The following TSNARE1 variants were observed in gnomAD, a reference collection of about 807,000 sequenced individuals.
The protein encoded by TSNARE1 is t-SNARE domain-containing protein 1.
TSNARE1 carries 49 observed loss-of-function variants against 62.0 expected under a neutral mutation model. The observed-to-expected ratio is 0.79, with a 90% CI of 0.63 to 1.00. The LOEUF is 1.00. Among genes scored for constraint, TSNARE1 ranks in the 50% least tolerant of loss-of-function variants. The probability of loss-of-function intolerance (pLI) is 0.00; values close to 1 mark genes in which losing one functional copy is unlikely to be tolerated. For synonymous variants in TSNARE1, 328 were observed against 294.4 expected, an observed-to-expected ratio of 1.11 and a Z score of -1.17; for missense variants, 755 against 700.1, an observed-to-expected ratio of 1.08 and a Z score of -0.88.
chr8:142,383,868 T>C (rs983750997), intron 1 of TSNARE1, among the ~76,000 whole-genome samples: 2 of 151,948 alleles, frequency 1.3e-5, no homozygotes, highest in Non-Finnish European at 2.9e-5. Flanking sequence ...AGTTTGAAAA[T>C]CCAAGCTTCA....
At chr8:142,229,023 A>T (rs1816964815) in intron 13 of TSNARE1, among the ~76,000 whole-genome samples, 2 of 150,864 alleles carry the variant, frequency 1.3e-5, no homozygotes, top group African/African-American at 4.9e-5. Flanking sequence ...GAGTTGATGG[A>T]TGGATGGATG....
At position 142,222,292 on chromosome 8, in the gene TSNARE1, T is replaced by C. The variant is rs1280787902; in HGVS notation, c.*11+7181A>G. On this transcript the variant is annotated intron_variant, in intron 13 of 13. Transcript: ENST00000524325. Reference sequence around the variant, plus strand: ...CACTCACTCATCCACTCATTCACTCTCACTCATTCACTCACTCACTCATCC... The same window carrying C: ...CACTCACTCATCCACTCATTCACTCCCACTCATTCACTCACTCACTCATCC... Among the ~76,000 whole-genome samples, 5 of 22,774 alleles carry C rather than the reference T, an allele frequency of 2.2e-4. 2 individuals carry two copies. In the South Asian group the frequency reaches 5.0e-3, roughly 23 times the overall value. The allele number at this position is 22,774 out of a possible 152,430, so 14.9% of individuals were successfully genotyped here.
At chr8:142,282,120 C>T (rs1821589455) in intron 11 of TSNARE1, among the ~76,000 whole-genome samples, 1 of 152,246 alleles carries the variant, frequency 6.6e-6, no homozygotes, top group Non-Finnish European at 1.5e-5. Context: ...GGGAGGTGCC[C>T]TGGCTTGCGG....
intron 10 of TSNARE1, among the ~76,000 whole-genome samples, chr8:142,289,196 C>T (rs1193090471): frequency 2.0e-5 from 3 of 152,200 alleles, no homozygotes; most frequent in Non-Finnish European, 2.9e-5. Flanking sequence ...TCAAACAAAG[C>T]GGGAGGCAAA....
rs538675999 is a variant in TSNARE1, at chr8:142,353,378, G to A, written c.88+1259C>T. 8.7e-4 allele frequency among the ~76,000 whole-genome samples: 133 copies of A among 152,340 alleles called. 1 individual carries two copies. Among genetic ancestry groups the A allele is most frequent in the Middle Eastern group, 6.8e-3 (2 of 294 alleles). On this transcript the variant is annotated intron_variant, in intron 2 of 13. Coordinates refer to ENST00000524325, the MANE Select transcript of TSNARE1 (RefSeq NM_145003.5). ...TATCAATGGTCTCGGCGGGAAGGAGGAAAGGGAGGCAGAAGTGGGAGGAGA... is the reference window on the plus strand; with the variant it reads ...TATCAATGGTCTCGGCGGGAAGGAGAAAAGGGAGGCAGAAGTGGGAGGAGA...
chr8:142,239,203 C>T (rs973549439), intron 12 of TSNARE1, among the ~76,000 whole-genome samples: 8 of 152,198 alleles, frequency 5.3e-5, no homozygotes, highest in Non-Finnish European at 1.2e-4. Context: ...CCCACTGAGC[C>T]TCCGCTGCCA....
At chr8:142,331,660 G>C (rs924354735) in intron 5 of TSNARE1, 94 bp downstream of exon 5, 11 of 1,242,012 alleles carry the variant, frequency 8.9e-6, no homozygotes, top group South Asian at 1.3e-5. Flanking sequence ...ATGGCCTGAG[G>C]GGGGAAGCCA....
chr8:142,332,005 C>T (rs1263349617), intron 4 of TSNARE1, among the ~76,000 whole-genome samples, 174 bp from the exon 5 acceptor site: 2 of 152,202 alleles, frequency 1.3e-5, no homozygotes, highest in Admixed American at 6.5e-5. Flanking sequence ...GTGCTGGACA[C>T]CCGCACCTGC....
Position 142,354,754 on chromosome 8 carries a change from C to CA in TSNARE1, c.-31_-30insT. On this transcript the variant is annotated 5_prime_UTR_variant, in exon 2 of 14. Transcript: ENST00000524325. ...TTACAGATGGCAGGGCCAGCAGCCT[C>CA]CACACTGAGCTGGAGGAAACACGAA... 6.4e-7 allele frequency: 1 copy of CA among 1,563,392 alleles called. No homozygotes were observed. Among genetic ancestry groups the CA allele is most frequent in the Non-Finnish European group, 8.8e-7 (1 of 1,134,760 alleles).
chr8:142,307,739 T>C (rs766168129), intron 9 of TSNARE1, among the ~76,000 whole-genome samples: 2 of 152,200 alleles, frequency 1.3e-5, no homozygotes, highest in Non-Finnish European at 2.9e-5. Context: ...AATATGCATG[T>C]CTGTTGGGCA....
At chr8:142,287,448 C>T (rs1306413018) in intron 10 of TSNARE1, among the ~76,000 whole-genome samples, 4 of 80,054 alleles carry the variant, frequency 5.0e-5, no homozygotes, top group Admixed American at 1.3e-4. Context: ...CCCTCCAGGT[C>T]GTGGAACCCA....
At chr8:142,300,405 C>G in intron 10 of TSNARE1, 81 bp downstream of exon 10, 1 of 1,480,444 alleles carries the variant, frequency 6.8e-7, no homozygotes, top group South Asian at 1.3e-5. Flanking sequence ...AATGGTGCAG[C>G]AGGCTGGCAC....
chr8:142,399,841 T>G (rs1039795595), intron 1 of TSNARE1, among the ~76,000 whole-genome samples: 3 of 152,158 alleles, frequency 2.0e-5, no homozygotes, highest in Non-Finnish European at 4.4e-5. Flanking sequence ...AGTCTACTTG[T>G]AGCAAGTAAC....
chr8:142,349,780 A>C (rs1833852109), intron 2 of TSNARE1, among the ~76,000 whole-genome samples: 1 of 152,216 alleles, frequency 6.6e-6, no homozygotes, highest in South Asian at 2.1e-4. Flanking sequence ...CATGACCACC[A>C]GGCCGGAGGT....
At chr8:142,235,781 A>G (rs1331565685) in intron 12 of TSNARE1, among the ~76,000 whole-genome samples, 1 of 152,158 alleles carries the variant, frequency 6.6e-6, no homozygotes, top group Non-Finnish European at 1.5e-5. Context: ...CGTTGGGTCC[A>G]CTGTCCTGAA....
At chr8:142,245,773 G>A (rs1434147771) in intron 12 of TSNARE1, among the ~76,000 whole-genome samples, 5 of 152,116 alleles carry the variant, frequency 3.3e-5, no homozygotes, top group Admixed American at 2.6e-4. Context: ...GATGAGGCAG[G>A]GCTGCTCCCA....
intron 4 of TSNARE1, among the ~76,000 whole-genome samples, chr8:142,335,109 TG>T (rs1205179147): frequency 6.6e-6 from 1 of 152,244 alleles, no homozygotes; most frequent in Non-Finnish European, 1.5e-5. Flanking sequence ...AAATGACGTG[TG>T]GTCCTGAATG....
chr8:142,300,770 C>T, intron 9 of TSNARE1, 126 bp from the exon 10 acceptor site: 2 of 1,288,338 alleles, frequency 1.6e-6, no homozygotes, highest in Non-Finnish European at 2.1e-6. Context: ...AGGGGACGAT[C>T]TGGGTCTGAG....
chr8:142,398,823 G>C (rs952905391), intron 1 of TSNARE1, among the ~76,000 whole-genome samples: 2 of 152,152 alleles, frequency 1.3e-5, no homozygotes, highest in African/African-American at 4.8e-5. Context: ...GCCTGCAGTG[G>C]CCCCCAAGTG....
Sources: gnomAD v4.1 joint callset for allele counts (sites outside exome capture counted in the v4.1 genomes callset) on GRCh38, gnomAD v4.1.1 for gene constraint, MANE v1.5 for transcripts, NCBI Gene and HGNC (gene_info 2026-07-23, HGNC 2026-07-21) for gene names.